N4BP2L1: variants seen among roughly 807,000 people sequenced by gnomAD.
The protein encoded by N4BP2L1 is NEDD4 binding protein 2 like 1, also known as NEDD4-binding protein 2-like 1.
In N4BP2L1, 12 loss-of-function variants were observed where a neutral mutation model predicts 21.2. The ratio of observed to expected loss-of-function variants is 0.57; its 90% CI spans 0.36 to 0.92. The LOEUF is 0.92. N4BP2L1 is among the 40% of genes least tolerant of loss of function. The probability of loss-of-function intolerance (pLI) is 0.01; values close to 1 mark genes in which losing one functional copy is unlikely to be tolerated. For synonymous variants in N4BP2L1, 104 were observed against 112.8 expected, an observed-to-expected ratio of 0.92 and a Z score of 0.49; for missense variants, 259 against 310.6, an observed-to-expected ratio of 0.83 and a Z score of 1.25.
intron 1 of N4BP2L1, chr13:32,424,963 G>GA (rs1566357461): frequency 6.6e-6 from 1 of 151,898 alleles, no homozygotes; most frequent in African/African-American, 2.4e-5. Context: ...AATCAAATGA[G>GA]AAAAAAGGTT....
chr13:32,425,187 C>T (rs2074694210), intron 1 of N4BP2L1: 1 of 152,194 alleles, frequency 6.6e-6, no homozygotes, highest in African/African-American at 2.4e-5. Flanking sequence ...ACAATTTGCT[C>T]TTTTCTTCTT....
In N4BP2L1 at chr13:32,402,638, T is replaced by G; in HGVS notation, c.*304A>C. ...AAGCTTATATATAATATAAACACTTTATTTCATCTATGAACCTATGTAAAT... is the reference window on the plus strand; with the variant it reads ...AAGCTTATATATAATATAAACACTTGATTTCATCTATGAACCTATGTAAAT... On this transcript the variant is annotated 3_prime_UTR_variant, in exon 5 of 5. Coordinates refer to ENST00000380130, the MANE Select transcript of N4BP2L1 (RefSeq NM_052818.3). 9.1e-7 allele frequency: 1 copy of G among 1,099,928 alleles called. No homozygotes were observed. The highest frequency in any genetic ancestry group is 1.1e-6 in the Non-Finnish European group (1 of 901,750). 68.1% of individuals were successfully genotyped at this position (1,099,928 alleles called of 1,614,324 possible).
chr13:32,412,447 C>CA (rs1393443514), intron 1 of N4BP2L1, among the ~76,000 whole-genome samples: 8 of 151,860 alleles, frequency 5.3e-5, no homozygotes, highest in Non-Finnish European at 1.2e-4. Flanking sequence ...GCCAACACGG[C>CA]AAAATCCCGT....
rs562432110 is a variant in N4BP2L1, at chr13:32,406,944, T to C, written c.396+306A>G. The C allele has an allele frequency of 2.0e-3, 741 of 379,610 alleles. 10 individuals are homozygous for C. The highest frequency in any genetic ancestry group is 0.017 in the South Asian group (678 of 39,642). The allele number at this position is 379,610 out of a possible 1,614,324, so 23.5% of individuals were successfully genotyped here. Reference sequence around the variant, plus strand: ...GTATTGATCTGAACATTTCGGTGGGTGCTTCTCTGTATGCCTTGCCGTAGG... The same window carrying C: ...GTATTGATCTGAACATTTCGGTGGGCGCTTCTCTGTATGCCTTGCCGTAGG... On this transcript the variant is annotated intron_variant, in intron 3 of 4. Transcript: ENST00000380130.
chr13:32,415,692 A>C (rs2074098115), intron 1 of N4BP2L1, among the ~76,000 whole-genome samples: 1 of 152,166 alleles, frequency 6.6e-6, no homozygotes, highest in Non-Finnish European at 1.5e-5. Flanking sequence ...TTAATCTTTT[A>C]TATCATAGAG....
At chr13:32,406,371 C>T (rs1015467724) in intron 3 of N4BP2L1, 2 of 152,204 alleles carry the variant, frequency 1.3e-5, no homozygotes, top group African/African-American at 4.8e-5. Flanking sequence ...CTGTTCTTTG[C>T]TATTCTGACA....
At chr13:32,412,087 A>G (rs2073890296) in intron 1 of N4BP2L1, among the ~76,000 whole-genome samples, 1 of 151,856 alleles carries the variant, frequency 6.6e-6, no homozygotes, top group Admixed American at 6.6e-5. Context: ...ACCAAACAAG[A>G]TCCCCACATT....
chr13:32,427,862 G>T, intron 1 of N4BP2L1, 42 bp downstream of exon 1: 1 of 1,281,166 alleles, frequency 7.8e-7, no homozygotes, highest in Non-Finnish European at 1.0e-6. Flanking sequence ...GGCGTTTGGT[G>T]GCCCCGGGCC....
In N4BP2L1 at chr13:32,402,086, A is replaced by T. The variant is rs1173415198; in HGVS notation, c.*856T>A. On this transcript the variant is annotated 3_prime_UTR_variant, in exon 5 of 5. Coordinates refer to ENST00000380130, the MANE Select transcript of N4BP2L1 (RefSeq NM_052818.3). ...TGCCTAATTTCTTGCACTCCCAAAC[A>T]TTTGAGCTGCCGACTAATTACACAT... 5 of 985,274 alleles carry T rather than the reference A, an allele frequency of 5.1e-6. No individual in the cohort carries two copies. The highest frequency in any genetic ancestry group is 6.0e-6 in the Non-Finnish European group (5 of 829,920). 61.0% of individuals were successfully genotyped at this position (985,274 alleles called of 1,614,324 possible).
chr13:32,412,034 G>C (rs2073887275), intron 1 of N4BP2L1: 1 of 152,158 alleles, frequency 6.6e-6, no homozygotes, highest in Non-Finnish European at 1.5e-5. Flanking sequence ...CTCCCTGCTT[G>C]TCTCATCAGT....
intron 1 of N4BP2L1, among the ~76,000 whole-genome samples, chr13:32,412,859 A>C (rs2073935918): frequency 6.6e-6 from 1 of 152,120 alleles, no homozygotes; most frequent in Admixed American, 6.6e-5. Context: ...AAGAGCCTGA[A>C]AGAGTGATTA....
At chr13:32,418,815 T>G (rs1305301290) in intron 1 of N4BP2L1, among the ~76,000 whole-genome samples, 2 of 152,252 alleles carry the variant, frequency 1.3e-5, no homozygotes, top group African/African-American at 2.4e-5. Context: ...TGCTGGATTT[T>G]GGGCTTGCAT....
chr13:32,427,230 GC>G (rs2074824291), intron 1 of N4BP2L1, among the ~76,000 whole-genome samples: 2 of 152,312 alleles, frequency 1.3e-5, no homozygotes, highest in East Asian at 1.9e-4. Flanking sequence ...CCGCCAGCCA[GC>G]CCCCCGCCCC....
intron 1 of N4BP2L1, among the ~76,000 whole-genome samples, chr13:32,417,447 C>T (rs980734958): frequency 2.0e-5 from 3 of 152,140 alleles, no homozygotes; most frequent in Non-Finnish European, 2.9e-5. Context: ...TGTTTGCTTC[C>T]CCTTCCACCA....
chr13:32,404,159 T>A (rs1421801928), intron 4 of N4BP2L1, 162 bp downstream of exon 4: 2 of 1,611,210 alleles, frequency 1.2e-6, no homozygotes, highest in Non-Finnish European at 1.7e-6. Flanking sequence ...AAAACTAAAG[T>A]CTTCACATTA....
At position 32,403,198 on chromosome 13, in the gene N4BP2L1, C is replaced by T; in HGVS notation, c.476G>A (p.Arg159Lys). Reference protein sequence around the residue: ...WKFNVQELARRNIHGVSREKI... With the variant: ...WKFNVQELARKNIHGVSREKI... The stretch of plus-strand genomic sequence containing the variant: ...TTCTCTTGAGACACCATGAATGTTT[C>T]TTCTACATGGAAAAAAAATGCATTT... The change falls in exon 5 of 5, where the codon AGA becomes AAA. Residue 159 changes from arginine to lysine, a missense_variant and splice_region_variant. Physicochemically the swap from Arg to Lys is conservative, Grantham distance 26. Around this residue, in one of 3 missense-constraint regions of N4BP2L1, gnomAD observed 108 missense variants for 107.8 expected, o/e 1.00. Coordinates refer to ENST00000380130, the MANE Select transcript of N4BP2L1 (RefSeq NM_052818.3). 1 of 1,586,034 alleles carries T rather than the reference C, an allele frequency of 6.3e-7. No homozygotes were observed. Among genetic ancestry groups the T allele is most frequent in the Non-Finnish European group, 8.6e-7 (1 of 1,165,920 alleles).
At chr13:32,422,368 TAGG>T (rs1273912667) in intron 1 of N4BP2L1, among the ~76,000 whole-genome samples, 1 of 151,654 alleles carries the variant, frequency 6.6e-6, no homozygotes, top group African/African-American at 2.4e-5. Flanking sequence ...CTGTTAGAAA[TAGG>T]AGAACACATC....
At chr13:32,420,883 C>CG (rs1224033049) in intron 1 of N4BP2L1, among the ~76,000 whole-genome samples, 1 of 151,776 alleles carries the variant, frequency 6.6e-6, no homozygotes, top group East Asian at 1.9e-4. Flanking sequence ...TTAGTAGAGA[C>CG]GGGGTTTCAC....
chr13:32,407,259 A>G lies in N4BP2L1; in HGVS notation c.387T>C (p.Tyr129=). The change falls in exon 3 of 5, where the codon TAT becomes TAC. Residue 129 remains tyrosine, a synonymous_variant. Transcript: ENST00000380130. ...TNLHAWEMKP[Y]AVMALENNYE... Reference sequence around the variant, plus strand: ...TGATACTTCTTCCTACCATGACTGCATAGGGCTTCATTTCCCAGGCGTGGA... The same window carrying G: ...TGATACTTCTTCCTACCATGACTGCGTAGGGCTTCATTTCCCAGGCGTGGA... The G allele has an allele frequency of 6.2e-7, 1 of 1,614,092 alleles. No individual in the cohort carries two copies. The highest frequency in any genetic ancestry group is 8.5e-7 in the Non-Finnish European group (1 of 1,179,944).
Sources: gnomAD v4.1 joint callset for allele counts (sites outside exome capture counted in the v4.1 genomes callset) on GRCh38, gnomAD v4.1.1 for gene constraint, gnomAD v4.1.1 regional missense constraint, MANE v1.5 for transcripts, NCBI Gene and HGNC (gene_info 2026-07-23, HGNC 2026-07-21) for gene names.